Variants in DLGAP1 observed in about 807,000 individuals in gnomAD.
DLGAP1 encodes DLG associated protein 1.
DLGAP1 carries 11 observed loss-of-function variants against 90.8 expected under a neutral mutation model. The observed-to-expected ratio is 0.12, with a 90% confidence interval of 0.08 to 0.20. The LOEUF (loss-of-function observed/expected upper bound fraction) is 0.20, where lower values mean the gene tolerates loss of function less well. Ranked by LOEUF, DLGAP1 falls within the 10% of genes least tolerant of loss-of-function variation. The pLI, the probability that DLGAP1 is intolerant of heterozygous loss-of-function variation, is 1.00. For missense variants in DLGAP1, 1,050 were observed against 1,333.8 expected, an observed-to-expected ratio of 0.79 and a Z score of 3.31; for synonymous variants, 558 against 540.7, an observed-to-expected ratio of 1.03 and a Z score of -0.44.
chr18:4,213,959 CACCA>C (rs1255610712), intron 1 of DLGAP1, among the ~76,000 whole-genome samples: 1 of 152,060 alleles, frequency 6.6e-6, no homozygotes, highest in Non-Finnish European at 1.5e-5. Context: ...CTTGATTTGG[CACCA>C]AAGAGTCTCC....
At chr18:4,375,667 C>T (rs2081999641) in intron 1 of DLGAP1, among the ~76,000 whole-genome samples, 1 of 152,148 alleles carries the variant, frequency 6.6e-6, no homozygotes, top group Non-Finnish European at 1.5e-5. Context: ...ATTTCACTCT[C>T]ATCACTGTGA....
chr18:3,989,445 A>G (rs59061080), intron 3 of DLGAP1, among the ~76,000 whole-genome samples: 51,308 of 152,028 alleles, frequency 0.34, 8,827 homozygotes, highest in East Asian at 0.5. Flanking sequence ...AGGTGTCCAC[A>G]CTGAGGCTGT....
intron 9 of DLGAP1, among the ~76,000 whole-genome samples, chr18:3,536,755 T>C (rs1039546879): frequency 1.3e-5 from 2 of 152,184 alleles, no homozygotes; most frequent in Non-Finnish European, 2.9e-5. Context: ...GCATTTTACA[T>C]GGATGTCCAT....
At position 3,496,631 on chromosome 18, in the gene DLGAP1, TA is replaced by T. The variant is rs1674966498; in HGVS notation, c.*2553del. 6.6e-6 allele frequency: 1 copy of T among 151,988 alleles called. No homozygotes were observed. The highest frequency in any genetic ancestry group is 6.6e-5 in the Admixed American group (1 of 15,238). 9.4% of individuals were successfully genotyped at this position (151,988 alleles called of 1,614,324 possible). A position where few individuals can be genotyped will look rare whatever the true frequency, so the allele number is the denominator to read the frequency against. On this transcript the variant is annotated 3_prime_UTR_variant, in exon 13 of 13. Transcript: ENST00000315677. Reference sequence around the variant, plus strand: ...ACCTTTATACCAAAGTTAAACAAAATAAGTAATTTTTCAGGGTACATACATT... The same window carrying T: ...ACCTTTATACCAAAGTTAAACAAAATAGTAATTTTTCAGGGTACATACATT...
At chr18:3,578,820 C>A (rs535318208) in intron 8 of DLGAP1, among the ~76,000 whole-genome samples, 1 of 152,190 alleles carries the variant, frequency 6.6e-6, no homozygotes, top group South Asian at 2.1e-4. Flanking sequence ...CTAACACCTA[C>A]GCCATAAGGT....
At chr18:3,924,476 A>G (rs1326808647) in intron 3 of DLGAP1, among the ~76,000 whole-genome samples, 1 of 152,168 alleles carries the variant, frequency 6.6e-6, no homozygotes, top group Non-Finnish European at 1.5e-5. Flanking sequence ...TTTCTCCACA[A>G]AGCAGTTTAC....
At chr18:3,831,638 A>AAATTG (rs1160887636) in intron 4 of DLGAP1, among the ~76,000 whole-genome samples, 1 of 152,234 alleles carries the variant, frequency 6.6e-6, no homozygotes. Context: ...ACAAACAAAG[A>AAATTG]AATTGACATC....
At chr18:3,669,345 T>C (rs976252346) in intron 7 of DLGAP1, among the ~76,000 whole-genome samples, 1 of 152,084 alleles carries the variant, frequency 6.6e-6, no homozygotes, top group African/African-American at 2.4e-5. Flanking sequence ...CCCACGGACC[T>C]AGGCGAGGAC....
intron 11 of DLGAP1, among the ~76,000 whole-genome samples, chr18:3,507,004 C>G (rs1000380218): frequency 1.3e-5 from 2 of 151,084 alleles, no homozygotes; most frequent in Admixed American, 1.3e-4. Flanking sequence ...AGAGGGAAAA[C>G]AAATTATAAA....
chr18:3,880,691 C>T (rs1240361909), intron 3 of DLGAP1, among the ~76,000 whole-genome samples: 1 of 151,654 alleles, frequency 6.6e-6, no homozygotes, highest in Non-Finnish European at 1.5e-5. Flanking sequence ...GCCTGTAATC[C>T]CAGCACTTTG....
intron 1 of DLGAP1, among the ~76,000 whole-genome samples, chr18:4,268,338 T>G (rs1306123883): frequency 6.6e-6 from 1 of 152,230 alleles, no homozygotes; most frequent in Non-Finnish European, 1.5e-5. Context: ...TTAATAATTT[T>G]ATTCTACAGT....
chr18:3,988,198 C>T (rs552870704), intron 3 of DLGAP1, among the ~76,000 whole-genome samples: 2 of 152,086 alleles, frequency 1.3e-5, no homozygotes, highest in South Asian at 4.1e-4. Context: ...ACTGCAATCT[C>T]AGGATATTCC....
At position 4,115,554 on chromosome 18, in the gene DLGAP1, C is replaced by T. The variant is rs575389438; in HGVS notation, c.-159+35626G>A. Among the ~76,000 whole-genome samples the T allele has an allele frequency of 2.4e-4, 36 of 150,958 alleles. No homozygotes were observed. The East Asian group carries it at 4.5e-3, about 19-fold the overall frequency. ...AGGCTGGAGTGCAGTGGCGAGATCT[C>T]GGCTCACCGCAAGCTCTGCCTCCGG... On this transcript the variant is annotated intron_variant, in intron 2 of 12. Coordinates refer to ENST00000315677, the MANE Select transcript of DLGAP1 (RefSeq NM_004746.4).
chr18:4,183,131 T>C (rs73371019), intron 1 of DLGAP1, among the ~76,000 whole-genome samples: 3,550 of 152,078 alleles, frequency 0.023, 138 homozygotes, highest in African/African-American at 0.079. Flanking sequence ...AGGAAGAAAA[T>C]ACATTAAATC....
intron 3 of DLGAP1, among the ~76,000 whole-genome samples, chr18:3,914,240 A>G (rs1411160796): frequency 6.6e-6 from 1 of 152,050 alleles, no homozygotes; most frequent in Non-Finnish European, 1.5e-5. Flanking sequence ...GGTAATTACC[A>G]TTTTACTCTC....
intron 6 of DLGAP1, among the ~76,000 whole-genome samples, chr18:3,741,043 T>TCACCACCACCACCATCACCAC (rs1568047856): frequency 4.0e-4 from 8 of 20,220 alleles, no homozygotes; most frequent in African/African-American, 1.5e-3. Flanking sequence ...CACCATCACC[T>TCACCACCACCACCATCACCAC]CACCACCACC....
chr18:4,231,474 G>A (rs1246317113), intron 1 of DLGAP1, among the ~76,000 whole-genome samples: 2 of 152,134 alleles, frequency 1.3e-5, no homozygotes, highest in Non-Finnish European at 2.9e-5. Flanking sequence ...AGAAACTGGG[G>A]TATTTCCTCC....
intron 5 of DLGAP1, among the ~76,000 whole-genome samples, chr18:3,805,345 T>G (rs958786121): frequency 1.3e-5 from 2 of 152,226 alleles, no homozygotes; most frequent in Admixed American, 1.3e-4. Context: ...AATGTTACAT[T>G]TGGAACTTTG....
chr18:4,377,740 G>C (rs933736804), intron 1 of DLGAP1, among the ~76,000 whole-genome samples: 5 of 152,028 alleles, frequency 3.3e-5, no homozygotes, highest in African/African-American at 9.7e-5. Context: ...TAATAAAAAT[G>C]GTGTTGGAAT....
Sources: gnomAD v4.1 joint callset for allele counts (sites outside exome capture counted in the v4.1 genomes callset) on GRCh38, gnomAD v4.1.1 for gene constraint, MANE v1.5 for transcripts, NCBI Gene and HGNC (gene_info 2026-07-23, HGNC 2026-07-21) for gene names.